Variants in PPFIBP2 observed in about 807,000 individuals in gnomAD.
PPFIBP2 encodes PPFIB scaffold protein 2, also known as liprin-beta-2.
Under a neutral mutation model 118.3 loss-of-function variants are expected in PPFIBP2, and 118 were observed. The ratio of observed to expected loss-of-function variants is 1.00; its 90% CI spans 0.86 to 1.16. PPFIBP2 has a LOEUF of 1.16. PPFIBP2 is among the 50% of genes most tolerant of loss of function. The probability of loss-of-function intolerance (pLI) is 0.00; values close to 1 mark genes in which losing one functional copy is unlikely to be tolerated. For synonymous variants in PPFIBP2, 414 were observed against 397.4 expected, an observed-to-expected ratio of 1.04 and a Z score of -0.50; for missense variants, 1,195 against 1,073.1, an observed-to-expected ratio of 1.11 and a Z score of -1.59.
Position 7,597,705 on chromosome 11 carries a change from G to A in PPFIBP2, c.486+32G>A, listed in dbSNP as rs202149064. 1.1e-4 allele frequency: 176 copies of A among 1,555,178 alleles called. No homozygotes were observed. In the Middle Eastern group the frequency reaches 4.6e-3, roughly 41 times the overall value. ...GCGGGTGCACTGAAGGCCCTTGGGT[G>A]CCGAAGCAGCTCATGTGCTGAAGCC... On this transcript the variant is annotated intron_variant, in intron 5 of 23. Coordinates refer to ENST00000299492, the MANE Select transcript of PPFIBP2 (RefSeq NM_003621.5).
intron 5 of PPFIBP2, among the ~76,000 whole-genome samples, chr11:7,609,933 G>A (rs191261946): frequency 2.0e-4 from 31 of 152,162 alleles, no homozygotes; most frequent in African/African-American, 7.2e-4. Flanking sequence ...GTTAACTTAA[G>A]CGAGGACCTA....
At chr11:7,554,064 T>C (rs1853296307) in intron 2 of PPFIBP2, among the ~76,000 whole-genome samples, 1 of 152,178 alleles carries the variant, frequency 6.6e-6, no homozygotes, top group Non-Finnish European at 1.5e-5. Flanking sequence ...CTTGCAGAAA[T>C]GACATTTTTG....
intron 1 of PPFIBP2, among the ~76,000 whole-genome samples, chr11:7,521,170 A>T (rs1312946788): frequency 2.0e-5 from 3 of 152,276 alleles, no homozygotes; most frequent in East Asian, 3.9e-4. Context: ...TGTCATGTTC[A>T]TATGTACACA....
chr11:7,665,777 G>A, the PPFIBP2 span: 2 of 1,449,812 alleles, frequency 1.4e-6, no homozygotes, highest in Non-Finnish European at 1.9e-6. Context: ...CCCTGCTGCT[G>A]TCTGTCAGCT....
rs533187333 is a variant in PPFIBP2, at chr11:7,525,765, T to C, written c.-37+11644T>C. ...GCCCAATACATTGGCTTAGCCTGGCTACATTAATTGAAGTCCTGGGTTTAG... is the reference window on the plus strand; with the variant it reads ...GCCCAATACATTGGCTTAGCCTGGCCACATTAATTGAAGTCCTGGGTTTAG... On this transcript the variant is annotated intron_variant, in intron 1 of 23. Transcript: ENST00000299492. Among the ~76,000 whole-genome samples the C allele has an allele frequency of 3.5e-4, 53 of 152,354 alleles. No individual in the cohort carries two copies. The South Asian group carries it at 0.01, about 30-fold the overall frequency.
In PPFIBP2 at chr11:7,519,718, G is replaced by A. The variant is rs1849566240; in HGVS notation, c.-37+5597G>A. Among the ~76,000 whole-genome samples the A allele has an allele frequency of 3.3e-5, 5 of 152,128 alleles. No individual in the cohort carries two copies. The South Asian group carries it at 1.0e-3, about 32-fold the overall frequency. On this transcript the variant is annotated intron_variant, in intron 1 of 23. Coordinates refer to ENST00000299492, the MANE Select transcript of PPFIBP2 (RefSeq NM_003621.5). The stretch of plus-strand genomic sequence containing the variant: ...GCCGGACGGAGACGATAAAAGGAGC[G>A]ATCGTCACCACTGCCTTTTTCATTC...
intron 3 of PPFIBP2, among the ~76,000 whole-genome samples, chr11:7,586,682 T>C (rs562714221): frequency 6.6e-6 from 1 of 152,302 alleles, no homozygotes; most frequent in South Asian, 2.1e-4. Context: ...ATTCTTGGTT[T>C]GTCCTCTTTC....
rs373320437 is a variant in PPFIBP2 at position 7,549,499 on chromosome 11, G to T, written c.24G>T (p.Ala8=). The part of the protein sequence containing the change: MASDASH[A]LEAALEQMDG... Reference sequence around the variant, plus strand: ...TCATGGCTTCTGATGCTAGTCATGCGCTGGAAGCTGCCCTGGAGCAAATGG... The same window carrying T: ...TCATGGCTTCTGATGCTAGTCATGCTCTGGAAGCTGCCCTGGAGCAAATGG... The change falls in exon 2 of 24, where the codon GCG becomes GCT. Residue 8 remains alanine (A), a synonymous_variant. Coordinates refer to ENST00000299492, the MANE Select transcript of PPFIBP2 (RefSeq NM_003621.5). The T allele has an allele frequency of 4.5e-6, 7 of 1,563,176 alleles. No individual in the cohort carries two copies. The highest frequency in any genetic ancestry group is 3.8e-5 in the Admixed American group (2 of 53,076).
rs74051937 is a variant in PPFIBP2 at position 7,652,073 on chromosome 11, T to C, written c.2436+229T>C. On this transcript the variant is annotated intron_variant, in intron 23 of 23. Coordinates refer to ENST00000299492, the MANE Select transcript of PPFIBP2 (RefSeq NM_003621.5). ...TGCAGGTTTCTTTACCTAGAAAATA[T>C]GTGCAGGAAGCACCTATCCTCAGGT... 8.7e-3 allele frequency among the ~76,000 whole-genome samples: 1,324 copies of C among 152,390 alleles called. 26 individuals are homozygous for C. Among genetic ancestry groups the C allele is most frequent in the African/African-American group, 0.03 (1,232 of 41,598 alleles).
chr11:7,580,096 C>A (rs986219415), intron 3 of PPFIBP2, among the ~76,000 whole-genome samples: 4 of 152,162 alleles, frequency 2.6e-5, no homozygotes, highest in Non-Finnish European at 5.9e-5. Context: ...CCTCAACTTA[C>A]CTTTTTAGTT....
At chr11:7,622,061 G>C (rs975755974) in intron 7 of PPFIBP2, among the ~76,000 whole-genome samples, 1 of 152,166 alleles carries the variant, frequency 6.6e-6, no homozygotes, top group East Asian at 1.9e-4. Flanking sequence ...CAGGTAAATA[G>C]CTTAGACTAG....
chr11:7,595,192 G>A (rs528700198), intron 4 of PPFIBP2, among the ~76,000 whole-genome samples: 3 of 152,294 alleles, frequency 2.0e-5, no homozygotes, highest in Non-Finnish European at 2.9e-5. Context: ...TGGCCATTGT[G>A]CCTGCAGTCT....
chr11:7,647,274 G>T (rs1853234508), intron 17 of PPFIBP2, among the ~76,000 whole-genome samples: 1 of 152,128 alleles, frequency 6.6e-6, no homozygotes, highest in African/African-American at 2.4e-5. Flanking sequence ...ACATAAAGTT[G>T]CTCTGTCGAA....
downstream of PPFIBP2, among the ~76,000 whole-genome samples, chr11:7,660,203 G>A (rs570398113): frequency 0.048 from 6,144 of 127,750 alleles, 1,732 homozygotes; most frequent in Middle Eastern, 0.074. Context: ...GGAGTGGTGA[G>A]AGAGGGCATC....
chr11:7,600,150 A>G (rs1861166213), intron 5 of PPFIBP2, among the ~76,000 whole-genome samples: 1 of 152,078 alleles, frequency 6.6e-6, no homozygotes, highest in South Asian at 2.1e-4. Flanking sequence ...TATTCTCTCA[A>G]ACTGTCAAGG....
chr11:7,603,560 G>T (rs1846943517), intron 5 of PPFIBP2, among the ~76,000 whole-genome samples: 2 of 152,166 alleles, frequency 1.3e-5, no homozygotes, highest in Admixed American at 1.3e-4. Context: ...CTCTGTCATT[G>T]GTCGGTAACA....
chr11:7,640,533 C>A (rs1390388656), intron 15 of PPFIBP2, among the ~76,000 whole-genome samples: 1 of 152,238 alleles, frequency 6.6e-6, no homozygotes, highest in African/African-American at 2.4e-5. Context: ...CAGGGTTCTT[C>A]CTGAGGCTCC....
chr11:7,534,837 G>T (rs1851058388), intron 1 of PPFIBP2, among the ~76,000 whole-genome samples: 1 of 152,196 alleles, frequency 6.6e-6, no homozygotes, highest in African/African-American at 2.4e-5. Flanking sequence ...GCAAATGCCT[G>T]CTTTCCCAGA....
At chr11:7,626,039 C>T in intron 8 of PPFIBP2, 148 bp downstream of exon 8, 1 of 658,440 alleles carries the variant, frequency 1.5e-6, no homozygotes, top group South Asian at 2.0e-5. Flanking sequence ...GCAAGCGTGG[C>T]CAAGTGAATG....
Sources: allele counts gnomAD v4.1 joint callset (sites outside exome capture counted in the v4.1 genomes callset), GRCh38; gene constraint gnomAD v4.1.1; transcripts MANE v1.5; gene names NCBI Gene and HGNC (gene_info 2026-07-23, HGNC 2026-07-21).